The following CEP43 variants were observed in gnomAD, a reference collection of about 807,000 sequenced individuals.
The protein encoded by CEP43 is centrosomal protein 43.
In CEP43, 36 loss-of-function variants were observed where a neutral mutation model predicts 52.6. That is an observed-to-expected ratio of 0.68 (90% CI 0.52 to 0.90). CEP43 has a LOEUF of 0.90. Ranked by LOEUF, CEP43 falls within the 40% of genes least tolerant of loss-of-function variation. The pLI is 0.00. For missense variants in CEP43, 506 were observed against 472.8 expected, an observed-to-expected ratio of 1.07 and a Z score of -0.65; for synonymous variants, 192 against 172.4, an observed-to-expected ratio of 1.11 and a Z score of -0.89.
chr6:167,041,577 C>T lies in CEP43; in HGVS notation c.*1599C>T, dbSNP rs1367029201. The T allele has an allele frequency of 4.6e-5, 48 of 1,048,336 alleles. No individual in the cohort carries two copies. Among genetic ancestry groups the T allele is most frequent in the Non-Finnish European group, 5.5e-5 (48 of 868,688 alleles). The allele number at this position is 1,048,336 out of a possible 1,614,324, so 64.9% of individuals were successfully genotyped here. Reference sequence around the variant, plus strand: ...GTCACTTTCTAAAAGCACTATAGTTCTGGTCCCCTGGAATCTGGATCACAT... The same window carrying T: ...GTCACTTTCTAAAAGCACTATAGTTTTGGTCCCCTGGAATCTGGATCACAT... On this transcript the variant is annotated 3_prime_UTR_variant, in exon 13 of 13. Coordinates refer to ENST00000366847, the MANE Select transcript of CEP43 (RefSeq NM_007045.4).
intron 12 of CEP43, 87 bp from the exon 13 acceptor site, chr6:167,039,817 A>T (rs1214463590): frequency 6.0e-6 from 8 of 1,343,502 alleles, no homozygotes. Flanking sequence ...GTAAGGTGGT[A>T]TCTCATTGTG....
At position 167,009,325 on chromosome 6, in the gene CEP43, C is replaced by T. The variant is rs570829869; in HGVS notation, c.439-1488C>T. ...GATCATTTGAGACCAGCCTGGCCAA[C>T]ATAGTGAAACCCTCTGTCTACTAAA... On this transcript the variant is annotated intron_variant, in intron 5 of 12. Transcript: ENST00000366847. Among the ~76,000 whole-genome samples, 5 of 151,722 alleles carry T rather than the reference C, an allele frequency of 3.3e-5. No homozygotes were observed. The South Asian group carries it at 8.3e-4, about 25-fold the overall frequency.
chr6:167,007,852 C>G (rs1779889880), intron 5 of CEP43, among the ~76,000 whole-genome samples: 1 of 152,210 alleles, frequency 6.6e-6, no homozygotes, highest in South Asian at 2.1e-4. Flanking sequence ...TTCTTGTTTT[C>G]TGAGCCCCTC....
At position 167,043,447 on chromosome 6, in the gene CEP43, C is replaced by T. The variant is rs527522477; in HGVS notation, c.*3469C>T. 1 of 148,514 alleles carries T rather than the reference C, an allele frequency of 6.7e-6. No individual in the cohort carries two copies. Among genetic ancestry groups the T allele is most frequent in the Non-Finnish European group, 1.5e-5 (1 of 67,796 alleles). The allele number at this position is 148,514 out of a possible 1,614,324, so 9.2% of individuals were successfully genotyped here. A position where few individuals can be genotyped will look rare whatever the true frequency, so the allele number is the denominator to read the frequency against. Reference sequence around the variant, plus strand: ...CCAGGCTGGAGTGCCATGGGGCGACCTCGGCTCACTGCAACCCCTGCCTTC... The same window carrying T: ...CCAGGCTGGAGTGCCATGGGGCGACTTCGGCTCACTGCAACCCCTGCCTTC... On this transcript the variant is annotated 3_prime_UTR_variant, in exon 13 of 13. Transcript: ENST00000366847.
rs1554277254 is a variant in CEP43, at chr6:167,042,839, T to TGTGTGTGTGTGTGTGTGTGTG, written c.*2861_*2862insGTGTGTGTGTGTGTGTGTGTG. Reference sequence around the variant, plus strand: ...TTGTGTGTGTGTGTGTGTGTGTGTGTTTAACTATGAGCTCGTGAGAACAGG... The same window carrying TGTGTGTGTGTGTGTGTGTGTG: ...TTGTGTGTGTGTGTGTGTGTGTGTGTGTGTGTGTGTGTGTGTGTGTGTTAACTATGAGCTCGTGAGAACAGG... On this transcript the variant is annotated 3_prime_UTR_variant, in exon 13 of 13. Coordinates refer to ENST00000366847, the MANE Select transcript of CEP43 (RefSeq NM_007045.4). The TGTGTGTGTGTGTGTGTGTGTG allele has an allele frequency of 3.7e-4, 57 of 153,186 alleles. 1 individual carries two copies. The highest frequency in any genetic ancestry group is 8.3e-4 in the South Asian group (4 of 4,832). The allele number at this position is 153,186 out of a possible 1,614,324, so 9.5% of individuals were successfully genotyped here. A position where few individuals can be genotyped will look rare whatever the true frequency, so the allele number is the denominator to read the frequency against.
chr6:167,025,078 T>C, intron 9 of CEP43, 184 bp downstream of exon 9: 1 of 523,838 alleles, frequency 1.9e-6, no homozygotes, highest in South Asian at 2.8e-5. Flanking sequence ...TCCTATTTTA[T>C]ATGTTGTTTT....
intron 7 of CEP43, among the ~76,000 whole-genome samples, chr6:167,017,332 G>C (rs1780125501): frequency 6.6e-6 from 1 of 152,090 alleles, no homozygotes; most frequent in African/African-American, 2.4e-5. Context: ...GTATACAACT[G>C]TCTACATAGC....
intron 2 of CEP43, among the ~76,000 whole-genome samples, chr6:167,002,755 C>T (rs1449943699): frequency 6.6e-6 from 1 of 152,162 alleles, no homozygotes; most frequent in African/African-American, 2.4e-5. Context: ...AATAAGTTGG[C>T]CTATGGGCCG....
rs1369083887 is a variant in CEP43, at chr6:167,006,887, A to G, written c.438+2486A>G. ...AACATACCTCCCTGGATAACCCAAT[A>G]GTATATTCGAATCCTGTGTGGAAAA... is the stretch of plus-strand genomic sequence containing the variant. On this transcript the variant is annotated intron_variant, in intron 5 of 12. Transcript: ENST00000366847. Among the ~76,000 whole-genome samples the G allele has an allele frequency of 2.6e-5, 4 of 152,230 alleles. No individual in the cohort carries two copies. In the East Asian group the frequency reaches 7.7e-4, roughly 29 times the overall value.
At chr6:167,010,659 T>C (rs1779964314) in intron 5 of CEP43, among the ~76,000 whole-genome samples, 154 bp from the exon 6 acceptor site, 1 of 152,144 alleles carries the variant, frequency 6.6e-6, no homozygotes, top group Non-Finnish European at 1.5e-5. Flanking sequence ...GGGGGTAAAA[T>C]TAGAGGAAAA....
chr6:167,016,488 TGG>T (rs1186021724), intron 7 of CEP43, among the ~76,000 whole-genome samples: 2 of 152,196 alleles, frequency 1.3e-5, no homozygotes, highest in Non-Finnish European at 2.9e-5. Context: ...TCCTCAACTG[TGG>T]GGCTCAAGTG....
At chr6:167,039,817 A>G in intron 12 of CEP43, 87 bp from the exon 13 acceptor site, 1 of 1,343,502 alleles carries the variant, frequency 7.4e-7, no homozygotes, top group East Asian at 2.3e-5. Flanking sequence ...GTAAGGTGGT[A>G]TCTCATTGTG....
chr6:167,005,154 A>G (rs1779824467), intron 5 of CEP43, among the ~76,000 whole-genome samples: 1 of 152,200 alleles, frequency 6.6e-6, no homozygotes. Flanking sequence ...ATAGGTTTCC[A>G]GTTATTTTCT....
rs1045005886 is a variant in CEP43, at chr6:167,040,073, T to C, written c.*95T>C. ...ACAATCACTCAGCTGGAATGTCTGC[T>C]CTCTATTGGTGCCTTGCATTTCAAA... On this transcript the variant is annotated 3_prime_UTR_variant, in exon 13 of 13. Coordinates refer to ENST00000366847, the MANE Select transcript of CEP43 (RefSeq NM_007045.4). The C allele has an allele frequency of 1.2e-6, 2 of 1,611,002 alleles. No individual in the cohort carries two copies. Among genetic ancestry groups the C allele is most frequent in the African/African-American group, 1.3e-5 (1 of 74,786 alleles).
intron 10 of CEP43, chr6:167,028,494 C>T (rs946755447): frequency 8.1e-6 from 8 of 984,968 alleles, no homozygotes; most frequent in East Asian, 1.1e-4. Context: ...AGTTTTATTT[C>T]GTTTTGCAAC....
At chr6:167,034,573 C>T (rs1454083849) in intron 12 of CEP43, among the ~76,000 whole-genome samples, 2 of 152,174 alleles carry the variant, frequency 1.3e-5, no homozygotes, top group African/African-American at 4.8e-5. Context: ...GAGGAGTCTA[C>T]CAGTCAGGTT....
chr6:167,020,981 T>G (rs1382361682), intron 7 of CEP43, among the ~76,000 whole-genome samples: 1 of 148,698 alleles, frequency 6.7e-6, no homozygotes, highest in Non-Finnish European at 1.5e-5. Flanking sequence ...TAAACCCAGC[T>G]ACTTGGGAGA....
intron 5 of CEP43, among the ~76,000 whole-genome samples, chr6:167,009,115 GGCGCGGTGGCTCATGCCTGT>G (rs138783046): frequency 0.45 from 67,714 of 151,212 alleles, 15,501 homozygotes; most frequent in South Asian, 0.61. Flanking sequence ...ATTAATGTTG[GGCGCGGTGGCTCATGCCTGT>G]AATCCCAGCG....
chr6:167,009,729 G>A (rs867783040), intron 5 of CEP43, among the ~76,000 whole-genome samples: 1 of 151,248 alleles, frequency 6.6e-6, no homozygotes, highest in Admixed American at 6.6e-5. Context: ...CCAGCTACTT[G>A]AGAGGCTGAG....
Sources: allele counts gnomAD v4.1 joint callset (sites outside exome capture counted in the v4.1 genomes callset), GRCh38; gene constraint gnomAD v4.1.1; transcripts MANE v1.5; gene names NCBI Gene and HGNC (gene_info 2026-07-23, HGNC 2026-07-21).